The following PPP1R9A variants were observed in gnomAD, a reference collection of about 807,000 sequenced individuals.
PPP1R9A encodes the protein protein phosphatase 1 regulatory subunit 9A.
In PPP1R9A, 59 loss-of-function variants were observed where a neutral mutation model predicts 141.9. The ratio of observed to expected loss-of-function variants is 0.42; its 90% CI spans 0.34 to 0.52. The LOEUF is 0.52. Among genes scored for constraint, PPP1R9A ranks in the 20% least tolerant of loss-of-function variants. The pLI is 0.10. For synonymous variants in PPP1R9A, 500 were observed against 569.7 expected, an observed-to-expected ratio of 0.88 and a Z score of 1.74; for missense variants, 1,444 against 1,611.9, an observed-to-expected ratio of 0.90 and a Z score of 1.78.
chr7:95,079,070 G>A (rs562057125), intron 2 of PPP1R9A, among the ~76,000 whole-genome samples: 2 of 152,294 alleles, frequency 1.3e-5, no homozygotes, highest in African/African-American at 4.8e-5. Context: ...CCTATGTCCT[G>A]AATGGTAATG....
At chr7:94,998,899 G>T (rs2151496148) in intron 2 of PPP1R9A, among the ~76,000 whole-genome samples, 1 of 152,176 alleles carries the variant, frequency 6.6e-6, no homozygotes, top group Non-Finnish European at 1.5e-5. Context: ...AAGTAGCAGG[G>T]ACTACAGATA....
chr7:94,963,399 A>G (rs1196739456), intron 2 of PPP1R9A, among the ~76,000 whole-genome samples: 3 of 152,166 alleles, frequency 2.0e-5, no homozygotes, highest in Admixed American at 2.0e-4. Context: ...AATTTTTAGT[A>G]TACTTGCAGA....
At chr7:95,129,571 G>A (rs182425039) in intron 4 of PPP1R9A, among the ~76,000 whole-genome samples, 4 of 152,308 alleles carry the variant, frequency 2.6e-5, no homozygotes, top group South Asian at 2.1e-4. Context: ...ATGTGGAAGC[G>A]ACTTTGGAAC....
intron 2 of PPP1R9A, among the ~76,000 whole-genome samples, chr7:95,109,424 A>G (rs1820147947): frequency 6.6e-6 from 1 of 152,360 alleles, no homozygotes; most frequent in African/African-American, 2.4e-5. Flanking sequence ...AATGTCAAAC[A>G]TGAGTTTAGA....
intron 7 of PPP1R9A, among the ~76,000 whole-genome samples, chr7:95,225,534 T>C (rs1311654210): frequency 6.6e-6 from 1 of 152,182 alleles, no homozygotes; most frequent in African/African-American, 2.4e-5. Flanking sequence ...TTGCAAGGCT[T>C]AATTAAGGTC....
chr7:95,195,111 C>T (rs1422889580), intron 5 of PPP1R9A, among the ~76,000 whole-genome samples: 1 of 151,922 alleles, frequency 6.6e-6, no homozygotes, highest in Non-Finnish European at 1.5e-5. Context: ...TTTAGAAATA[C>T]AAAAGGAAAC....
intron 2 of PPP1R9A, among the ~76,000 whole-genome samples, chr7:94,995,989 A>G (rs1384459411): frequency 6.6e-6 from 1 of 152,170 alleles, no homozygotes; most frequent in Non-Finnish European, 1.5e-5. Flanking sequence ...AAAAGTTTTG[A>G]ACAGTACAAG....
At chr7:95,061,672 G>A (rs12674249) in intron 2 of PPP1R9A, among the ~76,000 whole-genome samples, 5 of 152,134 alleles carry the variant, frequency 3.3e-5, no homozygotes, top group Non-Finnish European at 1.5e-5. Flanking sequence ...GGAGGTCATG[G>A]CTGTAGTGGG....
At chr7:94,987,091 A>G (rs1278239570) in intron 2 of PPP1R9A, among the ~76,000 whole-genome samples, 1 of 152,226 alleles carries the variant, frequency 6.6e-6, no homozygotes. Flanking sequence ...AGGAATAAAA[A>G]TAAAATGTTT....
At chr7:94,957,649 T>C (rs1448781487) in intron 2 of PPP1R9A, among the ~76,000 whole-genome samples, 1 of 152,084 alleles carries the variant, frequency 6.6e-6, no homozygotes, top group Non-Finnish European at 1.5e-5. Flanking sequence ...GTTCATCTTT[T>C]AACAAAAGAA....
intron 2 of PPP1R9A, among the ~76,000 whole-genome samples, chr7:95,083,839 A>G (rs1387913985): frequency 6.6e-6 from 1 of 152,050 alleles, no homozygotes; most frequent in Admixed American, 6.5e-5. Context: ...GGGTGAAAAC[A>G]CTAAGTTCAC....
intron 2 of PPP1R9A, among the ~76,000 whole-genome samples, chr7:95,015,227 T>TATATATACAC (rs774273958): frequency 2.1e-4 from 31 of 149,098 alleles, no homozygotes; most frequent in African/African-American, 5.9e-4. Flanking sequence ...AATATATATA[T>TATATATACAC]ACACACACAC....
At position 95,247,521 on chromosome 7, in the gene PPP1R9A, A is replaced by G. The variant is rs775869665; in HGVS notation, c.2161A>G (p.Thr721Ala). The change falls in exon 9 of 20, where the codon ACC (threonine) becomes GCC (alanine). Residue 721 changes from threonine to alanine, a missense_variant. By Grantham distance (58) the Thr-to-Ala change is moderately conservative. Coordinates refer to ENST00000433360, the MANE Select transcript of PPP1R9A (RefSeq NM_001166160.2). ...AGAAGCAGAGATTCAAAAATTGAAG[A>G]CCAAGGTAAGCACCGAAACATGGTG... ...VTEAEIQKLK[T>A]KLQAAENEKV... 1 of 1,607,704 alleles carries G rather than the reference A, an allele frequency of 6.2e-7. No individual in the cohort carries two copies. Among genetic ancestry groups the G allele is most frequent in the Admixed American group, 1.7e-5 (1 of 59,680 alleles).
At chr7:95,144,477 A>G (rs1201980021) in intron 4 of PPP1R9A, among the ~76,000 whole-genome samples, 1 of 152,056 alleles carries the variant, frequency 6.6e-6, no homozygotes, top group Non-Finnish European at 1.5e-5. Context: ...CTGATTCCAC[A>G]TAGTGATTTT....
intron 2 of PPP1R9A, among the ~76,000 whole-genome samples, chr7:94,964,403 G>A (rs1471277092): frequency 2.0e-5 from 3 of 151,998 alleles, no homozygotes; most frequent in Non-Finnish European, 4.4e-5. Context: ...GTTTACATAG[G>A]TATACATGTG....
intron 2 of PPP1R9A, among the ~76,000 whole-genome samples, chr7:95,048,273 G>A (rs530024667): frequency 1.3e-5 from 2 of 152,088 alleles, no homozygotes; most frequent in South Asian, 2.1e-4. Context: ...TCATTTTTAA[G>A]TATTCATTCA....
chr7:95,103,850 T>C lies in PPP1R9A; in HGVS notation c.1396-7409T>C, dbSNP rs146378638. Among the ~76,000 whole-genome samples the C allele has an allele frequency of 7.7e-3, 1,177 of 152,282 alleles. 15 individuals carry two copies. The highest frequency in any genetic ancestry group is 0.027 in the African/African-American group (1,127 of 41,556). On this transcript the variant is annotated intron_variant, in intron 2 of 19. Coordinates refer to ENST00000433360, the MANE Select transcript of PPP1R9A (RefSeq NM_001166160.2). ...TTTTCTGCCTTACTCCCTAGATTGG[T>C]TGGTAAAGAGATAATTTGTGTAAAG... is the stretch of plus-strand genomic sequence containing the variant.
At chr7:94,915,373 TC>T (rs1233807303) in intron 2 of PPP1R9A, among the ~76,000 whole-genome samples, 3 of 152,204 alleles carry the variant, frequency 2.0e-5, no homozygotes, top group African/African-American at 7.2e-5. Flanking sequence ...TGCGGAGGCT[TC>T]CTTTATAACA....
chr7:94,933,122 A>G (rs537787500), intron 2 of PPP1R9A, among the ~76,000 whole-genome samples: 2 of 152,184 alleles, frequency 1.3e-5, no homozygotes, highest in South Asian at 2.1e-4. Context: ...ATCATCATGT[A>G]GGAAGATTTC....
Sources: allele counts gnomAD v4.1 joint callset (sites outside exome capture counted in the v4.1 genomes callset), GRCh38; gene constraint gnomAD v4.1.1; transcripts MANE v1.5; gene names NCBI Gene and HGNC (gene_info 2026-07-23, HGNC 2026-07-21).